The following ABCC8 variants were observed in gnomAD, a reference collection of about 807,000 sequenced individuals.
ABCC8 encodes ATP binding cassette subfamily C member 8.
In ABCC8, 137 loss-of-function variants were observed where a neutral mutation model predicts 188.0. That is an observed-to-expected ratio of 0.73 (90% CI 0.63 to 0.84). The LOEUF is 0.84. Among genes scored for constraint, ABCC8 ranks in the 40% least tolerant of loss-of-function variants. ABCC8 has a pLI of 0.00. For missense variants in ABCC8, 1,750 were observed against 2,072.7 expected (o/e 0.84, Z 3.02); for synonymous variants, 797 against 846.5 (o/e 0.94, Z 1.01).
intron 16 of ABCC8, among the ~76,000 whole-genome samples, chr11:17,426,100 G>A (rs1252837803): frequency 1.3e-5 from 2 of 152,176 alleles, no homozygotes; most frequent in Non-Finnish European, 2.9e-5. Flanking sequence ...GGGCATTTGG[G>A]TTGTTTCCAA....
intron 10 of ABCC8, among the ~76,000 whole-genome samples, chr11:17,434,975 G>A (rs868171988): frequency 3.9e-5 from 5 of 129,424 alleles, no homozygotes; most frequent in Middle Eastern, 3.7e-3. Flanking sequence ...CATCAGCTGC[G>A]TGTGTTCGCG....
In ABCC8 at chr11:17,461,681, T is replaced by C. The variant is rs1351303112; in HGVS notation, c.724A>G (p.Lys242Glu). 2.5e-6 allele frequency: 4 copies of C among 1,614,094 alleles called. No homozygotes were observed. The highest frequency in any genetic ancestry group is 1.7e-5 in the Admixed American group (1 of 60,008). Residue 242 changes from lysine (K) to glutamate (E), a missense_variant, in exon 5 of 39, where the codon AAG becomes GAG. Transcript: ENST00000389817. ...WMNAFIKTAH[K>E]KPIDLRAIGK... ...ATGGCTCGCAAGTCGATGGGCTTCT[T>C]GTGGGCAGTCTTGATGAAGGCGTTC...
chr11:17,463,706 G>T, intron 3 of ABCC8, 102 bp from the exon 4 acceptor site: 2 of 1,452,212 alleles, frequency 1.4e-6, no homozygotes, highest in Non-Finnish European at 1.9e-6. Flanking sequence ...CAGAATAAGC[G>T]TGCCTGGGTG....
intron 7 of ABCC8, 122 bp from the exon 8 acceptor site, chr11:17,448,793 G>C (rs1956643528): frequency 6.6e-7 from 1 of 1,517,378 alleles, no homozygotes; most frequent in African/African-American, 1.4e-5. Context: ...CCCTAGAGCA[G>C]CTCTGTAAGG....
intron 9 of ABCC8, 85 bp downstream of exon 9, chr11:17,443,093 C>T: frequency 2.6e-6 from 4 of 1,546,314 alleles, no homozygotes; most frequent in South Asian, 1.1e-5. Context: ...AAGTCAATGA[C>T]AGTGTGGGTG....
At chr11:17,449,056 A>T (rs1956655222) in intron 7 of ABCC8, among the ~76,000 whole-genome samples, 1 of 152,128 alleles carries the variant, frequency 6.6e-6, no homozygotes, top group South Asian at 2.1e-4. Flanking sequence ...CCTCCGGAGT[A>T]GCTGGAATTA....
At chr11:17,414,703 G>A in intron 18 of ABCC8, 93 bp from the exon 19 acceptor site, 1 of 1,590,390 alleles carries the variant, frequency 6.3e-7, no homozygotes, top group Non-Finnish European at 8.5e-7. Flanking sequence ...TCAGATGGAG[G>A]CAAGGGGATG....
At chr11:17,410,242 A>T (rs993113945) in intron 22 of ABCC8, 9 of 451,790 alleles carry the variant, frequency 2.0e-5, no homozygotes, top group Admixed American at 1.1e-4. Flanking sequence ...TGAGCACTTG[A>T]TTATTCCTGA....
In ABCC8 at chr11:17,404,881, C is replaced by T. The variant is rs1235751827; in HGVS notation, c.3400-212G>A. The T allele has an allele frequency of 1.3e-5, 4 of 311,932 alleles. No homozygotes were observed. The highest frequency in any genetic ancestry group is 1.9e-5 in the Non-Finnish European group (4 of 214,412). 19.3% of individuals were successfully genotyped at this position (311,932 alleles called of 1,614,324 possible). Reference sequence around the variant, plus strand: ...GGTTCAAATGATTCTCCTGCCTCAGCTTCCCAAGTAGTTGGGATTACAGGC... The same window carrying T: ...GGTTCAAATGATTCTCCTGCCTCAGTTTCCCAAGTAGTTGGGATTACAGGC... On this transcript the variant is annotated intron_variant, in intron 27 of 38. Coordinates refer to ENST00000389817, the MANE Select transcript of ABCC8 (RefSeq NM_000352.6). The surrounding 1 kb of genome is among the most constrained non-coding windows in gnomAD (Gnocchi z 4.7).
intron 3 of ABCC8, among the ~76,000 whole-genome samples, chr11:17,464,700 C>T (rs764405969): frequency 1.1e-4 from 16 of 152,236 alleles, no homozygotes; most frequent in Non-Finnish European, 2.4e-4. Flanking sequence ...CTCGCACACA[C>T]ACTCACTTCA....
chr11:17,436,800 C>T (rs932440203), intron 10 of ABCC8, among the ~76,000 whole-genome samples: 2 of 152,062 alleles, frequency 1.3e-5, no homozygotes, highest in Non-Finnish European at 2.9e-5. Flanking sequence ...AAGACTTATC[C>T]ATTCAAGGCT....
chr11:17,460,691 C>T lies in ABCC8; in HGVS notation c.823-15G>A. On this transcript the variant is annotated splice_polypyrimidine_tract_variant and intron_variant, in intron 5 of 38. Coordinates refer to ENST00000389817, the MANE Select transcript of ABCC8 (RefSeq NM_000352.6). ...ATGTCCTTCCGCTGCCCAGAGAGAC[C>T]ATGGCCAGGTCAGAGTGCCTGAGGG... is the stretch of plus-strand genomic sequence containing the variant. The T allele has an allele frequency of 6.2e-7, 1 of 1,605,216 alleles. No individual in the cohort carries two copies. Among genetic ancestry groups the T allele is most frequent in the Non-Finnish European group, 8.5e-7 (1 of 1,179,956 alleles).
chr11:17,471,309 A>C (rs908352342), intron 2 of ABCC8, among the ~76,000 whole-genome samples: 2 of 152,222 alleles, frequency 1.3e-5, no homozygotes, highest in Non-Finnish European at 1.5e-5. Flanking sequence ...TGGGCAACCA[A>C]GGACAGCTTC....
rs558640352 is a variant in ABCC8 at position 17,467,990 on chromosome 11, A to G, written c.412+2111T>C. Among the ~76,000 whole-genome samples the G allele has an allele frequency of 7.6e-5, 11 of 144,890 alleles. No homozygotes were observed. In the South Asian group the frequency reaches 2.0e-3, roughly 26 times the overall value. ...TCAGATGTCCAGACAGGGTGTTTCCAGAGGACACTGGTCAGCCAGGCCCTG... is the reference window on the plus strand; with the variant it reads ...TCAGATGTCCAGACAGGGTGTTTCCGGAGGACACTGGTCAGCCAGGCCCTG... On this transcript the variant is annotated intron_variant, in intron 3 of 38. Transcript: ENST00000389817.
chr11:17,409,267 T>A (rs1402303861), intron 22 of ABCC8, among the ~76,000 whole-genome samples: 2 of 152,052 alleles, frequency 1.3e-5, no homozygotes, highest in African/African-American at 2.4e-5. Flanking sequence ...CAATAAAACT[T>A]TTTATCTGGA....
chr11:17,453,955 G>C (rs981061045), intron 6 of ABCC8, among the ~76,000 whole-genome samples: 1 of 152,162 alleles, frequency 6.6e-6, no homozygotes, highest in African/African-American at 2.4e-5. Flanking sequence ...TGTTGCTAAA[G>C]ATACCAGGGA....
At chr11:17,415,775 G>A (rs1481136520) in intron 17 of ABCC8, among the ~76,000 whole-genome samples, 1 of 152,202 alleles carries the variant, frequency 6.6e-6, no homozygotes, top group African/African-American at 2.4e-5. Context: ...GGCCAGGCCA[G>A]GCAGGCTGAC....
At chr11:17,406,146 A>C (rs1025060067) in intron 26 of ABCC8, among the ~76,000 whole-genome samples, 7 of 152,216 alleles carry the variant, frequency 4.6e-5, no homozygotes, top group African/African-American at 1.7e-4. Flanking sequence ...TTGGGCAGGG[A>C]CAACTTTAAA....
intron 16 of ABCC8, among the ~76,000 whole-genome samples, chr11:17,424,100 T>C (rs1024322499): frequency 6.6e-6 from 1 of 151,852 alleles, no homozygotes; most frequent in Non-Finnish European, 1.5e-5. Context: ...TCACTATAAG[T>C]GGGAGTTGAA....
Sources: gnomAD v4.1 joint callset for allele counts (sites outside exome capture counted in the v4.1 genomes callset) on GRCh38, gnomAD v4.1.1 for gene constraint, Gnocchi (gnomAD v3.1) non-coding constraint, MANE v1.5 for transcripts, NCBI Gene and HGNC (gene_info 2026-07-23, HGNC 2026-07-21) for gene names.